The following TENM2 variants were observed in gnomAD, a reference collection of about 807,000 sequenced individuals.
TENM2 encodes the protein teneurin transmembrane protein 2, also known as teneurin-2.
A neutral mutation model predicts 245.2 loss-of-function variants in TENM2; 52 were observed. The observed-to-expected ratio is 0.21, with a 90% confidence interval of 0.17 to 0.27. TENM2 has a LOEUF of 0.27. Ranked by LOEUF, TENM2 falls within the 10% of genes least tolerant of loss-of-function variation. The probability of loss-of-function intolerance (pLI) is 1.00; values close to 1 mark genes in which losing one functional copy is unlikely to be tolerated. For missense variants in TENM2, 3,046 were observed against 3,666.8 expected (o/e 0.83, Z 4.37); for synonymous variants, 1,363 against 1,438.9 (o/e 0.95, Z 1.19).
intron 2 of TENM2, among the ~76,000 whole-genome samples, chr5:167,535,435 G>A (rs1238324416): frequency 6.6e-6 from 1 of 152,004 alleles, no homozygotes; most frequent in Non-Finnish European, 1.5e-5. Context: ...CAGTGGCAAG[G>A]AGAAGACACA....
chr5:167,248,057 G>A, the TENM2 span, among the ~76,000 whole-genome samples: 95,275 of 151,854 alleles, frequency 0.63, 32,646 homozygotes, highest in Middle Eastern at 0.86. Flanking sequence ...TGCAGAGGGA[G>A]CTCTAAAAAT....
intron 1 of TENM2, among the ~76,000 whole-genome samples, chr5:167,362,243 G>T (rs1759762549): frequency 1.3e-5 from 2 of 152,188 alleles, no homozygotes. Context: ...GGAAGCTATG[G>T]TCTTGCCATT....
the TENM2 span, among the ~76,000 whole-genome samples, chr5:167,133,763 G>C: frequency 4.0e-5 from 6 of 150,476 alleles, no homozygotes; most frequent in South Asian, 1.2e-3. Flanking sequence ...ACTTACACTT[G>C]TGTCATTATA....
the TENM2 span, among the ~76,000 whole-genome samples, chr5:167,223,289 A>G: frequency 5.1e-4 from 78 of 152,040 alleles, no homozygotes; most frequent in African/African-American, 1.8e-3. Context: ...CCTTCTATCA[A>G]CTTGTTTGTT....
At chr5:167,315,921 A>T (rs1756336745) in intron 1 of TENM2, among the ~76,000 whole-genome samples, 1 of 152,188 alleles carries the variant, frequency 6.6e-6, no homozygotes, top group Non-Finnish European at 1.5e-5. Flanking sequence ...TGTGAAATAG[A>T]GACCTTGGGT....
intron 2 of TENM2, among the ~76,000 whole-genome samples, chr5:167,788,437 C>G (rs1025611527): frequency 5.3e-5 from 8 of 152,092 alleles, no homozygotes; most frequent in African/African-American, 1.9e-4. Context: ...TCAATTAAAT[C>G]TATTGCATAA....
chr5:167,433,574 C>T (rs1313079077), intron 2 of TENM2, among the ~76,000 whole-genome samples: 2 of 151,946 alleles, frequency 1.3e-5, no homozygotes, highest in African/African-American at 2.4e-5. Flanking sequence ...ATATATATTT[C>T]TAAATTGGTT....
chr5:167,081,915 G>T, the TENM2 span, among the ~76,000 whole-genome samples: 16 of 152,132 alleles, frequency 1.1e-4, no homozygotes, highest in African/African-American at 3.6e-4. Context: ...AGTTTCTTCT[G>T]CAAAATTGTG....
chr5:167,952,484 T>C, intron 3 of TENM2, 104 bp from the exon 6 acceptor site: 1 of 950,164 alleles, frequency 1.1e-6, no homozygotes, highest in South Asian at 1.6e-5. Flanking sequence ...TTTCAGCAAT[T>C]GTCAGCTTAG....
chr5:167,153,813 A>T, the TENM2 span, among the ~76,000 whole-genome samples: 1 of 152,174 alleles, frequency 6.6e-6, no homozygotes, highest in Non-Finnish European at 1.5e-5. Flanking sequence ...AAAACAAAAA[A>T]CAAACAGAAA....
At chr5:167,890,642 G>A (rs1186854320) in intron 3 of TENM2, among the ~76,000 whole-genome samples, 1 of 152,024 alleles carries the variant, frequency 6.6e-6, no homozygotes, top group Non-Finnish European at 1.5e-5. Context: ...TTATGTCATG[G>A]CCACAAATCA....
At chr5:167,489,298 T>C (rs1004644503) in intron 2 of TENM2, among the ~76,000 whole-genome samples, 4 of 152,328 alleles carry the variant, frequency 2.6e-5, no homozygotes, top group Non-Finnish European at 5.9e-5. Flanking sequence ...CCTTTCACTC[T>C]TCTTTCCCAT....
chr5:167,375,478 G>A lies in TENM2; in HGVS notation c.502+5G>A, dbSNP rs1561905867. On this transcript the variant is annotated splice_donor_5th_base_variant and intron_variant, in intron 2 of 28. Coordinates refer to ENST00000518659, the Ensembl canonical transcript of TENM2. ...ACAAATCAGATGATGAGAACGGTAG[G>A]CCTGCTTCTTAAATACCTTTTAACG... The A allele has an allele frequency of 6.4e-7, 1 of 1,551,426 alleles. No individual in the cohort carries two copies.
intron 3 of TENM2, among the ~76,000 whole-genome samples, chr5:167,941,664 T>G (rs1466641457): frequency 8.4e-6 from 1 of 119,408 alleles, no homozygotes; most frequent in Non-Finnish European, 1.7e-5. Context: ...CCGGGCAACA[T>G]AGCAAAATCC....
chr5:167,098,869 T>C, the TENM2 span, among the ~76,000 whole-genome samples: 1 of 152,230 alleles, frequency 6.6e-6, no homozygotes, highest in African/African-American at 2.4e-5. Flanking sequence ...TAACCTAGTC[T>C]CTTTGCGTTA....
intron 3 of TENM2, among the ~76,000 whole-genome samples, chr5:167,931,955 A>G (rs778883889): frequency 9.9e-5 from 15 of 152,270 alleles, no homozygotes; most frequent in Non-Finnish European, 1.9e-4. Context: ...TGTTCTAAAG[A>G]TAGCAGTGTG....
chr5:168,207,456 C>G (rs1188026582), intron 19 of TENM2, among the ~76,000 whole-genome samples: 1 of 152,192 alleles, frequency 6.6e-6, no homozygotes, highest in Non-Finnish European at 1.5e-5. Context: ...TTTCCCTCGA[C>G]AGCCGTGTGA....
At chr5:168,096,757 T>C (rs1202951997) in intron 8 of TENM2, among the ~76,000 whole-genome samples, 1 of 152,160 alleles carries the variant, frequency 6.6e-6, no homozygotes, top group East Asian at 1.9e-4. Context: ...TCTCCAAGGG[T>C]GATATAACAT....
At chr5:167,234,688 A>G in the TENM2 span, among the ~76,000 whole-genome samples, 1 of 152,314 alleles carries the variant, frequency 6.6e-6, no homozygotes, top group Admixed American at 6.5e-5. Context: ...TCTCTGATAC[A>G]TTTCAAAACA....
Sources: gnomAD v4.1 joint callset for allele counts (sites outside exome capture counted in the v4.1 genomes callset) on GRCh38, gnomAD v4.1.1 for gene constraint, MANE v1.5 for transcripts, NCBI Gene and HGNC (gene_info 2026-07-23, HGNC 2026-07-21) for gene names.